Variants in LUC7L3 observed in about 807,000 individuals in gnomAD.
LUC7L3 encodes the protein luc7-like protein 3.
LUC7L3 carries 6 observed loss-of-function variants against 66.8 expected under a neutral mutation model. The ratio of observed to expected loss-of-function variants is 0.09; its 90% CI spans 0.05 to 0.18. LUC7L3 has a LOEUF of 0.18. Among genes scored for constraint, LUC7L3 ranks in the 10% least tolerant of loss-of-function variants. LUC7L3 has a pLI of 1.00. For missense variants in LUC7L3, 341 were observed against 531.1 expected, an observed-to-expected ratio of 0.64 and a Z score of 3.52; for synonymous variants, 160 against 174.7, an observed-to-expected ratio of 0.92 and a Z score of 0.66.
chr17:50,740,221 A>G (rs1970260792), intron 2 of LUC7L3, 85 bp from the exon 3 acceptor site: 1 of 1,067,794 alleles, frequency 9.4e-7, no homozygotes, highest in Non-Finnish European at 1.4e-6. Flanking sequence ...TTTTCTTTTT[A>G]AAAAGAAAAA....
chr17:50,727,522 G>GC (rs1021011492), intron 1 of LUC7L3, among the ~76,000 whole-genome samples: 19 of 152,076 alleles, frequency 1.2e-4, no homozygotes, highest in African/African-American at 3.6e-4. Flanking sequence ...CAGTGCCCCA[G>GC]CCCCCCGAGT....
intron 1 of LUC7L3, chr17:50,722,612 G>A (rs1043922758): frequency 6.6e-6 from 1 of 152,120 alleles, no homozygotes; most frequent in Non-Finnish European, 1.5e-5. Context: ...TATTAATTTG[G>A]TAGTAGATTC....
At position 50,719,614 on chromosome 17, in the gene LUC7L3, T is replaced by C. The variant is rs1968600759; in HGVS notation, c.-119T>C. ...GCGGCGGCCATTTTGTCTTGTCGGC[T>C]CCTGTGTGTAGGAGGGATTTCGGCC... is the stretch of plus-strand genomic sequence containing the variant. On this transcript the variant is annotated 5_prime_UTR_variant, in exon 1 of 10. Coordinates refer to ENST00000505658, the MANE Select transcript of LUC7L3 (RefSeq NM_016424.5). 6.6e-6 allele frequency: 5 copies of C among 762,184 alleles called. No individual in the cohort carries two copies. The highest frequency in any genetic ancestry group is 8.5e-6 in the Non-Finnish European group (4 of 472,464). 47.2% of individuals were successfully genotyped at this position (762,184 alleles called of 1,614,324 possible).
chr17:50,733,144 GATAGA>G (rs1969735046), intron 1 of LUC7L3, among the ~76,000 whole-genome samples: 1 of 151,874 alleles, frequency 6.6e-6, no homozygotes, highest in African/African-American at 2.4e-5. Flanking sequence ...TTAATCTTTA[GATAGA>G]ATAATCTCCA....
rs1347440598 is a variant in LUC7L3 at position 50,751,968 on chromosome 17, C to G, written c.*1307C>G. 1.9e-6 allele frequency: 2 copies of G among 1,026,210 alleles called. No individual in the cohort carries two copies. The highest frequency in any genetic ancestry group is 3.5e-5 in the African/African-American group (2 of 57,556). 63.6% of individuals were successfully genotyped at this position (1,026,210 alleles called of 1,614,324 possible). On this transcript the variant is annotated 3_prime_UTR_variant, in exon 10 of 10. Coordinates refer to ENST00000505658, the MANE Select transcript of LUC7L3 (RefSeq NM_016424.5). Reference sequence around the variant, plus strand: ...TAGTTGATTTGTTGGTGGCATTCCCCTTTTGGGAAAGCAATGTAAGGTTAT... The same window carrying G: ...TAGTTGATTTGTTGGTGGCATTCCCGTTTTGGGAAAGCAATGTAAGGTTAT...
At chr17:50,723,901 CTGAGGTTACAGGCG>C (rs1968973195) in intron 1 of LUC7L3, 1 of 445,550 alleles carries the variant, frequency 2.2e-6, no homozygotes, top group African/African-American at 2.0e-5. Context: ...TCCCAAAGTG[CTGAGGTTACAGGCG>C]TGAGCCACTG....
chr17:50,719,772 C>T lies in LUC7L3; in HGVS notation c.40C>T (p.Arg14Trp). 1.2e-6 allele frequency: 2 copies of T among 1,612,258 alleles called. No homozygotes were observed. The highest frequency in any genetic ancestry group is 1.7e-6 in the Non-Finnish European group (2 of 1,179,244). ...GCAGTTGTTGGATGAGTTAATGGGC[C>T]GGGACCGAAACCTAGCCCCGGACGA... is the stretch of plus-strand genomic sequence containing the variant. ...AAQLLDELMGRDRNLAPDEKR... is the reference protein window; with the variant it reads ...AAQLLDELMGWDRNLAPDEKR... The change falls in exon 1 of 10, where the codon CGG becomes TGG. Residue 14 changes from arginine to tryptophan, a missense_variant. Arg to Trp is a moderately radical substitution (Grantham distance 101). Coordinates refer to ENST00000505658, the MANE Select transcript of LUC7L3 (RefSeq NM_016424.5).
intron 1 of LUC7L3, chr17:50,723,912 G>A (rs1567854797): frequency 2.2e-6 from 1 of 453,242 alleles, no homozygotes; most frequent in Admixed American, 2.4e-5. Context: ...TGAGGTTACA[G>A]GCGTGAGCCA....
chr17:50,747,289 T>TA (rs1400335985), intron 9 of LUC7L3, among the ~76,000 whole-genome samples: 2 of 150,652 alleles, frequency 1.3e-5, no homozygotes, highest in Non-Finnish European at 3.0e-5. Flanking sequence ...CTGTTGGCAC[T>TA]ATTAATGGAC....
At position 50,752,318 on chromosome 17, in the gene LUC7L3, G is replaced by T. The variant is rs1258710711; in HGVS notation, c.*1657G>T. The T allele has an allele frequency of 1.2e-6, 1 of 864,938 alleles. No individual in the cohort carries two copies. Among genetic ancestry groups the T allele is most frequent in the Non-Finnish European group, 1.6e-6 (1 of 641,058 alleles). The allele number at this position is 864,938 out of a possible 1,614,324, so 53.6% of individuals were successfully genotyped here. ...ATAGAAAAAGTATAAAGCTCAGTTA[G>T]TTTTTTTATTATTATTATTATTAAA... On this transcript the variant is annotated 3_prime_UTR_variant, in exon 10 of 10. Transcript: ENST00000505658.
At chr17:50,749,197 A>C in intron 9 of LUC7L3, 1 of 1,288,286 alleles carries the variant, frequency 7.8e-7, no homozygotes, top group Non-Finnish European at 1.0e-6. Context: ...TAGGACTATT[A>C]AGATCTACCA....
Position 50,752,002 on chromosome 17 carries a change from A to T in LUC7L3, c.*1341A>T, listed in dbSNP as rs986639290. On this transcript the variant is annotated 3_prime_UTR_variant, in exon 10 of 10. Transcript: ENST00000505658. ...AAGCAATGTAAGGTTATGTCTGTGTATGTCATTCACACTTAGGCAAGCATA... is the reference window on the plus strand; with the variant it reads ...AAGCAATGTAAGGTTATGTCTGTGTTTGTCATTCACACTTAGGCAAGCATA... 4.6e-6 allele frequency: 5 copies of T among 1,085,060 alleles called. No homozygotes were observed. The East Asian group carries it at 4.2e-4, about 90-fold the overall frequency. The allele number at this position is 1,085,060 out of a possible 1,614,324, so 67.2% of individuals were successfully genotyped here.
chr17:50,730,673 G>T (rs1462098698), intron 1 of LUC7L3, among the ~76,000 whole-genome samples: 1 of 152,162 alleles, frequency 6.6e-6, no homozygotes, highest in African/African-American at 2.4e-5. Context: ...TGGTGCTGTG[G>T]CTCATGCCTG....
rs1970631813 is a variant in LUC7L3, at chr17:50,745,733, A to G, written c.707A>G (p.Lys236Arg). 1 of 1,573,620 alleles carries G rather than the reference A, an allele frequency of 6.4e-7. No homozygotes were observed. The highest frequency in any genetic ancestry group is 8.6e-7 in the Non-Finnish European group (1 of 1,169,316). Residue 236 changes from lysine (K) to arginine (R), a missense_variant, in exon 8 of 10, where the codon AAA (lysine) becomes AGA (arginine). Lys to Arg is a conservative substitution (Grantham distance 26, BLOSUM62 2). Around this residue, in one of 6 missense-constraint regions of LUC7L3, gnomAD observed 17 missense variants for 48.2 expected, o/e 0.35. Transcript: ENST00000505658. ...TVEELKEKLRKRTEEPDRDER... is the reference protein window; with the variant it reads ...TVEELKEKLRRRTEEPDRDER... ...TGATTTTTCTAGGAAAAGTTAAGGA[A>G]AAGAACCGAAGAACCTGATCGTGAT...
At chr17:50,732,453 C>G (rs941604360) in intron 1 of LUC7L3, among the ~76,000 whole-genome samples, 1 of 152,186 alleles carries the variant, frequency 6.6e-6, no homozygotes, top group Non-Finnish European at 1.5e-5. Flanking sequence ...ATGATCACCA[C>G]TCACTGCAGC....
intron 1 of LUC7L3, among the ~76,000 whole-genome samples, chr17:50,733,139 C>A (rs1181561794): frequency 6.6e-6 from 1 of 151,948 alleles, no homozygotes; most frequent in African/African-American, 2.4e-5. Flanking sequence ...TAAAATTAAT[C>A]TTTAGATAGA....
At chr17:50,743,616 G>T in intron 5 of LUC7L3, 90 bp from the exon 6 acceptor site, 1 of 779,204 alleles carries the variant, frequency 1.3e-6, no homozygotes, top group South Asian at 1.8e-5. Context: ...CAAAAAAGAT[G>T]GAAAACAACC....
intron 1 of LUC7L3, among the ~76,000 whole-genome samples, chr17:50,732,566 T>TTC (rs964307164): frequency 1.3e-5 from 2 of 150,642 alleles, no homozygotes; most frequent in African/African-American, 4.9e-5. Flanking sequence ...CATTCTTTTT[T>TTC]TTTTTTTTTT....
chr17:50,728,869 T>A (rs950243336), intron 1 of LUC7L3, among the ~76,000 whole-genome samples: 4 of 150,742 alleles, frequency 2.7e-5, no homozygotes, highest in Non-Finnish European at 4.4e-5. Flanking sequence ...TCCTTTTTTT[T>A]AACCAATAAA....
Sources: allele counts gnomAD v4.1 joint callset (sites outside exome capture counted in the v4.1 genomes callset), GRCh38; gene constraint gnomAD v4.1.1; regional missense constraint gnomAD v4.1.1; transcripts MANE v1.5; gene names NCBI Gene and HGNC (gene_info 2026-07-23, HGNC 2026-07-21).